The following DPYD variants were observed in gnomAD, a reference collection of about 807,000 sequenced individuals.
DPYD encodes the protein dihydropyrimidine dehydrogenase [NADP(+)].
DPYD carries 109 observed loss-of-function variants against 116.2 expected under a neutral mutation model. The ratio of observed to expected loss-of-function variants is 0.94; its 90% CI spans 0.80 to 1.10. The LOEUF is 1.10. DPYD is among the 50% of genes least tolerant of loss of function. The pLI, the probability that DPYD is intolerant of heterozygous loss-of-function variation, is 0.00. For synonymous variants in DPYD, 440 were observed against 432.0 expected (o/e 1.02, Z -0.23); for missense variants, 1,302 against 1,254.5 (o/e 1.04, Z -0.57).
At chr1:97,719,835 A>T (rs1255404486) in intron 5 of DPYD, 1 of 984,348 alleles carries the variant, frequency 1.0e-6, no homozygotes, top group African/African-American at 1.7e-5. Context: ...AATTGGAATG[A>T]AATAAGCAGA....
At chr1:97,670,585 G>C (rs1283239799) in intron 8 of DPYD, among the ~76,000 whole-genome samples, 1 of 152,148 alleles carries the variant, frequency 6.6e-6, no homozygotes, top group Non-Finnish European at 1.5e-5. Flanking sequence ...CTCCAGAATT[G>C]TGAGAAAATA....
At chr1:97,887,765 C>T (rs1672580373) in intron 1 of DPYD, among the ~76,000 whole-genome samples, 1 of 151,838 alleles carries the variant, frequency 6.6e-6, no homozygotes, top group South Asian at 2.1e-4. Flanking sequence ...TCCCATAATC[C>T]CCATGTGGTC....
At chr1:97,343,958 T>G (rs996440706) in intron 16 of DPYD, among the ~76,000 whole-genome samples, 2 of 152,008 alleles carry the variant, frequency 1.3e-5, no homozygotes, top group African/African-American at 4.8e-5. Context: ...TAGTTTCATG[T>G]GCTGTTTCCA....
At chr1:97,431,294 C>A (rs1054293367) in intron 14 of DPYD, among the ~76,000 whole-genome samples, 31 of 152,046 alleles carry the variant, frequency 2.0e-4, no homozygotes, top group Middle Eastern at 3.4e-3. Context: ...ACAATTTATA[C>A]AGAAATGAAT....
chr1:97,679,017 G>T, intron 8 of DPYD, 78 bp downstream of exon 8: 1 of 627,718 alleles, frequency 1.6e-6, no homozygotes, highest in Admixed American at 3.3e-5. Flanking sequence ...AATGTCTGAA[G>T]GCAGTCATTC....
intron 18 of DPYD, among the ~76,000 whole-genome samples, chr1:97,287,731 G>A (rs987677995): frequency 2.6e-5 from 4 of 152,122 alleles, no homozygotes; most frequent in Non-Finnish European, 5.9e-5. Flanking sequence ...GACCCTCCGA[G>A]CCAGGTGCAG....
chr1:97,300,628 T>G (rs1259749247), intron 18 of DPYD, among the ~76,000 whole-genome samples: 1 of 152,092 alleles, frequency 6.6e-6, no homozygotes, highest in Non-Finnish European at 1.5e-5. Flanking sequence ...GTTTGTAATC[T>G]GTTTTGTTTT....
At chr1:97,515,530 TG>T (rs1648151431) in intron 13 of DPYD, among the ~76,000 whole-genome samples, 195 bp downstream of exon 13, 1 of 151,942 alleles carries the variant, frequency 6.6e-6, no homozygotes, top group South Asian at 2.1e-4. Flanking sequence ...CAATACTAAA[TG>T]AGCAATATAT....
chr1:97,686,464 G>A (rs1336562577), intron 7 of DPYD, among the ~76,000 whole-genome samples: 32 of 151,048 alleles, frequency 2.1e-4, no homozygotes, highest in African/African-American at 6.8e-4. Flanking sequence ...GTGAAACCCC[G>A]TCTCTACTAA....
intron 20 of DPYD, among the ~76,000 whole-genome samples, chr1:97,184,831 A>G (rs1267132936): frequency 6.6e-6 from 1 of 152,154 alleles, no homozygotes; most frequent in East Asian, 1.9e-4. Flanking sequence ...CTGCAAATAA[A>G]GACAGTGCAA....
At chr1:97,205,286 A>G (rs1427358524) in intron 19 of DPYD, among the ~76,000 whole-genome samples, 2 of 152,090 alleles carry the variant, frequency 1.3e-5, no homozygotes, top group African/African-American at 4.8e-5. Flanking sequence ...TCACTGCCCT[A>G]AAAATCTACT....
intron 20 of DPYD, among the ~76,000 whole-genome samples, chr1:97,132,611 A>T (rs1333847974): frequency 1.3e-5 from 2 of 152,170 alleles, no homozygotes; most frequent in African/African-American, 4.8e-5. Flanking sequence ...AAATTCTATC[A>T]TTCTTATAGG....
chr1:97,710,865 A>G (rs1028869761), intron 5 of DPYD, among the ~76,000 whole-genome samples: 9 of 151,830 alleles, frequency 5.9e-5, no homozygotes, highest in African/African-American at 1.9e-4. Context: ...AGTATTTGAG[A>G]AGGTAAACCC....
chr1:97,843,849 G>A (rs937656111), intron 2 of DPYD, among the ~76,000 whole-genome samples: 1 of 152,050 alleles, frequency 6.6e-6, no homozygotes, highest in Admixed American at 6.5e-5. Flanking sequence ...TTAATGAATA[G>A]GGGAGAGATG....
At chr1:97,241,409 C>T (rs1384832327) in intron 18 of DPYD, among the ~76,000 whole-genome samples, 1 of 151,934 alleles carries the variant, frequency 6.6e-6, no homozygotes, top group African/African-American at 2.4e-5. Context: ...GTGCTGTCCT[C>T]TCTATTTTGT....
At chr1:97,404,814 C>CT (rs1673561716) in intron 14 of DPYD, among the ~76,000 whole-genome samples, 2 of 151,928 alleles carry the variant, frequency 1.3e-5, no homozygotes, top group South Asian at 4.2e-4. Context: ...TTAATATCTA[C>CT]TATATTGATT....
intron 16 of DPYD, among the ~76,000 whole-genome samples, chr1:97,311,463 C>T (rs980418134): frequency 6.6e-6 from 1 of 151,666 alleles, no homozygotes. Flanking sequence ...AAGGACAATG[C>T]TCATTTAAAC....
intron 20 of DPYD, among the ~76,000 whole-genome samples, chr1:97,132,981 A>T (rs1653448997): frequency 6.6e-6 from 1 of 151,658 alleles, no homozygotes; most frequent in African/African-American, 2.4e-5. Flanking sequence ...CATGAATATT[A>T]TTTTTTTTGC....
intron 21 of DPYD, among the ~76,000 whole-genome samples, chr1:97,082,931 T>C (rs947435804): frequency 1.3e-5 from 2 of 152,258 alleles, no homozygotes; most frequent in African/African-American, 4.8e-5. Flanking sequence ...TTTCACTGCA[T>C]GAGGATTTTA....
Sources: gnomAD v4.1 joint callset for allele counts (sites outside exome capture counted in the v4.1 genomes callset) on GRCh38, gnomAD v4.1.1 for gene constraint, MANE v1.5 for transcripts, NCBI Gene and HGNC (gene_info 2026-07-23, HGNC 2026-07-21) for gene names.